Variants in CHL1 observed in about 807,000 individuals in gnomAD.
CHL1 encodes neural cell adhesion molecule L1-like protein.
A neutral mutation model predicts 141.9 loss-of-function variants in CHL1; 96 were observed. The observed-to-expected ratio is 0.68, with a 90% CI of 0.57 to 0.80. The LOEUF is 0.80. CHL1 is among the 30% of genes least tolerant of loss of function. The probability of loss-of-function intolerance (pLI) is 0.00; values close to 1 mark genes in which losing one functional copy is unlikely to be tolerated. For synonymous variants in CHL1, 613 were observed against 502.2 expected, an observed-to-expected ratio of 1.22 and a Z score of -2.95; for missense variants, 1,820 against 1,457.2, an observed-to-expected ratio of 1.25 and a Z score of -4.05.
At position 405,834 on chromosome 3, in the gene CHL1, A is replaced by G; in HGVS notation, c.*123A>G. On this transcript the variant is annotated 3_prime_UTR_variant, in exon 28 of 28. Transcript: ENST00000256509. ...GGCCGAAGATTTCATCCAGAAGTCA[A>G]CATCCTGCAATTATGTTGAAAAGAG... The G allele has an allele frequency of 1.5e-6, 1 of 662,836 alleles. No homozygotes were observed. The highest frequency in any genetic ancestry group is 2.6e-6 in the Non-Finnish European group (1 of 387,810). The allele number at this position is 662,836 out of a possible 1,614,324, so 41.1% of individuals were successfully genotyped here. A position where few individuals can be genotyped will look rare whatever the true frequency, so the allele number is the denominator to read the frequency against.
chr3:260,571 C>T (rs1694628326), intron 2 of CHL1, among the ~76,000 whole-genome samples: 1 of 152,196 alleles, frequency 6.6e-6, no homozygotes, highest in Admixed American at 6.5e-5. Context: ...AGCACGACAG[C>T]AGATTCACAC....
chr3:201,397 G>T (rs560749513), intron 1 of CHL1, among the ~76,000 whole-genome samples: 6 of 152,242 alleles, frequency 3.9e-5, no homozygotes, highest in Non-Finnish European at 8.8e-5. Flanking sequence ...CAATTTTAAG[G>T]CATTTTCCTG....
rs543852902 is a variant in CHL1, at chr3:278,831, T to C, written c.-95+34139T>C. ...TCTCACACAGGAAGCAACGTTTTAG[T>C]TTCTGAACTCTGTCAAACTTAGACA... On this transcript the variant is annotated intron_variant, in intron 2 of 27. Coordinates refer to ENST00000256509, the MANE Select transcript of CHL1 (RefSeq NM_006614.4). Among the ~76,000 whole-genome samples, 4 of 152,342 alleles carry C rather than the reference T, an allele frequency of 2.6e-5. No homozygotes were observed. In the South Asian group the frequency reaches 8.3e-4, roughly 32 times the overall value.
At chr3:286,447 C>T (rs1160413365) in intron 2 of CHL1, among the ~76,000 whole-genome samples, 1 of 151,794 alleles carries the variant, frequency 6.6e-6, no homozygotes, top group Non-Finnish European at 1.5e-5. Flanking sequence ...CCCATCTCTA[C>T]TAAAAATACA....
chr3:215,283 C>T (rs774579173), intron 1 of CHL1, among the ~76,000 whole-genome samples: 35 of 152,022 alleles, frequency 2.3e-4, no homozygotes, highest in Non-Finnish European at 1.8e-4. Flanking sequence ...ATCTAGAGGA[C>T]AATATGCTAA....
At chr3:257,981 C>T (rs557143706) in intron 2 of CHL1, among the ~76,000 whole-genome samples, 3 of 152,180 alleles carry the variant, frequency 2.0e-5, no homozygotes, top group South Asian at 2.1e-4. Context: ...TGAATGGCTC[C>T]GGAAGAGGCA....
chr3:234,499 G>C (rs1319033587), intron 1 of CHL1, among the ~76,000 whole-genome samples: 1 of 152,086 alleles, frequency 6.6e-6, no homozygotes, highest in African/African-American at 2.4e-5. Context: ...TAGCTGGGGA[G>C]TGTGAAAATT....
At chr3:251,321 A>G (rs1693675024) in intron 2 of CHL1, among the ~76,000 whole-genome samples, 1 of 152,116 alleles carries the variant, frequency 6.6e-6, no homozygotes, top group Non-Finnish European at 1.5e-5. Context: ...CTGAGAATGG[A>G]TTTTAGTTCC....
intron 17 of CHL1, 28 bp downstream of exon 17, chr3:382,308 A>C (rs1401164170): frequency 6.3e-7 from 1 of 1,577,508 alleles, no homozygotes; most frequent in Non-Finnish European, 8.7e-7. Flanking sequence ...AACTGTTTTC[A>C]TTACTCTAGA....
chr3:398,211 T>C lies in CHL1; in HGVS notation c.3095-16T>C. The C allele has an allele frequency of 6.5e-7, 1 of 1,550,072 alleles. No individual in the cohort carries two copies. Among genetic ancestry groups the C allele is most frequent in the South Asian group, 1.2e-5 (1 of 82,562 alleles). ...ATGATTACAATTCACATGATTTAAC[T>C]GTGTACATTTCTTAGGTAAAGGTAT... On this transcript the variant is annotated splice_polypyrimidine_tract_variant and intron_variant, in intron 24 of 27. Transcript: ENST00000256509.
chr3:323,161 G>C (rs73814814), intron 3 of CHL1, among the ~76,000 whole-genome samples: 5 of 151,874 alleles, frequency 3.3e-5, no homozygotes, highest in African/African-American at 1.2e-4. Context: ...ATATAGGTCA[G>C]ATATTTTCCT....
intron 1 of CHL1, among the ~76,000 whole-genome samples, chr3:225,875 GGCA>G (rs1259037751): frequency 6.6e-6 from 1 of 151,856 alleles, no homozygotes; most frequent in Non-Finnish European, 1.5e-5. Context: ...CAGGTGTGGT[GGCA>G]GGCACCTGTA....
chr3:389,434 G>T lies in CHL1; in HGVS notation c.2430G>T (p.Gly810=), dbSNP rs760154150. 5.6e-6 allele frequency: 9 copies of T among 1,614,182 alleles called. No individual in the cohort carries two copies. In the East Asian group the frequency reaches 2.0e-4, roughly 36 times the overall value. ...KVQAINQLGS[G]PDPQSVTLYS... ...AGGCTATCAATCAACTAGGATCTGG[G>T]CCTGACCCTCAGTCAGTGACTCTCT... The change falls in exon 20 of 28, where the codon GGG becomes GGT. Residue 810 remains glycine, a synonymous_variant. Transcript: ENST00000256509.
intron 2 of CHL1, among the ~76,000 whole-genome samples, chr3:292,262 C>T (rs1376497630): frequency 1.3e-5 from 2 of 152,196 alleles, no homozygotes; most frequent in Admixed American, 6.5e-5. Flanking sequence ...TTTCTGCAAA[C>T]AGGGCAACTA....
chr3:271,463 A>T (rs968186980), intron 2 of CHL1, among the ~76,000 whole-genome samples: 1 of 152,206 alleles, frequency 6.6e-6, no homozygotes, highest in Non-Finnish European at 1.5e-5. Flanking sequence ...ACTTTTGTAA[A>T]TTTAAATGAA....
At chr3:254,081 C>T (rs1345515138) in intron 2 of CHL1, among the ~76,000 whole-genome samples, 1 of 152,182 alleles carries the variant, frequency 6.6e-6, no homozygotes, top group Non-Finnish European at 1.5e-5. Context: ...CAGCTGCTTC[C>T]CCAGCTGCTG....
chr3:313,033 G>A (rs1166878302), intron 2 of CHL1, among the ~76,000 whole-genome samples: 1 of 152,072 alleles, frequency 6.6e-6, no homozygotes, highest in African/African-American at 2.4e-5. Context: ...ACTTAATGCT[G>A]TTTCTTAGTG....
At position 226,036 on chromosome 3, in the gene CHL1, T is replaced by C. The variant is rs555048976; in HGVS notation, c.-174-18577T>C. ...AAAAAGAGACACGTTAATCTTAACT[T>C]TTTTTGAGAGAGTCTCGTTCCGTCG... On this transcript the variant is annotated intron_variant, in intron 1 of 27. Transcript: ENST00000256509. Among the ~76,000 whole-genome samples, 11 of 151,732 alleles carry C rather than the reference T, an allele frequency of 7.2e-5. No individual in the cohort carries two copies. In the South Asian group the frequency reaches 2.3e-3, roughly 32 times the overall value.
intron 1 of CHL1, among the ~76,000 whole-genome samples, chr3:236,524 A>T (rs1273421163): frequency 6.6e-6 from 1 of 152,168 alleles, no homozygotes; most frequent in Admixed American, 6.6e-5. Context: ...ACTGGCCAAA[A>T]ATGTGTCTCT....
Sources: allele counts gnomAD v4.1 joint callset (sites outside exome capture counted in the v4.1 genomes callset), GRCh38; gene constraint gnomAD v4.1.1; transcripts MANE v1.5; gene names NCBI Gene and HGNC (gene_info 2026-07-23, HGNC 2026-07-21).